Variants in CEP63 observed in about 807,000 individuals in gnomAD.
CEP63 encodes centrosomal protein 63, also known as centrosomal protein of 63 kDa.
A neutral mutation model predicts 89.1 loss-of-function variants in CEP63; 84 were observed. That is an observed-to-expected ratio of 0.94 (90% CI 0.79 to 1.13). The LOEUF (loss-of-function observed/expected upper bound fraction) is 1.13. Among genes scored for constraint, CEP63 ranks in the 50% most tolerant of loss-of-function variants. The pLI is 0.00. For synonymous variants in CEP63, 267 were observed against 272.5 expected (o/e 0.98, Z 0.20); for missense variants, 838 against 813.3 (o/e 1.03, Z -0.37).
chr3:134,747,065 T>G, the CEP63 span, among the ~76,000 whole-genome samples: 1 of 150,526 alleles, frequency 6.6e-6, no homozygotes, highest in Non-Finnish European at 1.5e-5. Context: ...GGTCTAACAT[T>G]TAAGTCTTTA....
chr3:134,661,743 C>T, the CEP63 span, among the ~76,000 whole-genome samples: 1 of 151,098 alleles, frequency 6.6e-6, no homozygotes, highest in African/African-American at 2.4e-5. Flanking sequence ...AGGCAGGAGG[C>T]AGGAAGGAAG....
chr3:134,532,089 C>G, intron 4 of CEP63, 149 bp downstream of exon 4: 2 of 613,486 alleles, frequency 3.3e-6, no homozygotes, highest in Non-Finnish European at 2.9e-6. Context: ...TTTCTCTGTT[C>G]TTTAATCCAG....
the CEP63 span, among the ~76,000 whole-genome samples, chr3:134,609,767 C>A: frequency 6.6e-6 from 1 of 152,150 alleles, no homozygotes; most frequent in Non-Finnish European, 1.5e-5. Context: ...CTCACTCAGA[C>A]CTGAGAGGAG....
the CEP63 span, among the ~76,000 whole-genome samples, chr3:134,593,755 A>C: frequency 1.3e-5 from 2 of 152,234 alleles, no homozygotes; most frequent in African/African-American, 4.8e-5. Flanking sequence ...GAGGAAGCCC[A>C]TTCACTTCTT....
the CEP63 span, among the ~76,000 whole-genome samples, chr3:134,726,550 T>A: frequency 6.6e-6 from 1 of 151,922 alleles, no homozygotes; most frequent in African/African-American, 2.4e-5. Flanking sequence ...GCTACCTTCC[T>A]CCTTCTCTCT....
Position 134,559,250 on chromosome 3 carries a change from A to T in CEP63, c.1774A>T (p.Met592Leu), listed in dbSNP as rs752223738. 3.7e-6 allele frequency: 6 copies of T among 1,614,118 alleles called. No homozygotes were observed. The highest frequency in any genetic ancestry group is 4.2e-6 in the Non-Finnish European group (5 of 1,179,986). ...ACAAGCGTCGGATAGTATAAACCCCATGTCTAGGGTGCTAAGCCCCCTGAG... is the reference window on the plus strand; with the variant it reads ...ACAAGCGTCGGATAGTATAAACCCCTTGTCTAGGGTGCTAAGCCCCCTGAG... ...RGQASDSINP[M>L]SRVLSPLSPQ... The change falls in exon 14 of 15, where the codon ATG (methionine) becomes TTG (leucine). Residue 592 changes from methionine (M) to leucine (L), a missense_variant. Physicochemically the swap from Met to Leu is conservative, Grantham distance 15. Transcript: ENST00000675561.
rs376691512 is a variant in CEP63, at chr3:134,547,408, C to A, written c.1003C>A (p.Gln335Lys). 1.2e-6 allele frequency: 2 copies of A among 1,613,540 alleles called. No individual in the cohort carries two copies. The highest frequency in any genetic ancestry group is 1.7e-6 in the Non-Finnish European group (2 of 1,179,676). ...GGGGGACTTAGACAGTGTGCTCTCC[C>A]AGTTGAATTTTACCCATACTAGTGA... ...GQGDLDSVLSQLNFTHTSEDL... is the reference protein window; with the variant it reads ...GQGDLDSVLSKLNFTHTSEDL... Residue 335 changes from glutamine (Q) to lysine (K), a missense_variant, in exon 9 of 15, where the codon CAG (glutamine) becomes AAG (lysine). Transcript: ENST00000675561.
At chr3:134,528,518 G>A (rs1949133992) in intron 3 of CEP63, among the ~76,000 whole-genome samples, 1 of 151,554 alleles carries the variant, frequency 6.6e-6, no homozygotes, top group Non-Finnish European at 1.5e-5. Flanking sequence ...TGTGATAGAG[G>A]GCCAAAAGGC....
chr3:134,506,379 C>T (rs541056526), intron 2 of CEP63, among the ~76,000 whole-genome samples: 2 of 152,304 alleles, frequency 1.3e-5, no homozygotes, highest in South Asian at 4.1e-4. Flanking sequence ...GCATGATAGT[C>T]TGCTTTCTTC....
At chr3:134,516,420 T>G (rs1456075507) in intron 3 of CEP63, among the ~76,000 whole-genome samples, 1 of 152,164 alleles carries the variant, frequency 6.6e-6, no homozygotes, top group African/African-American at 2.4e-5. Context: ...GCCTTCCTCT[T>G]GTCTCAACTG....
At chr3:134,583,030 G>GT (rs1958398492) in intron 10 of CEP63, among the ~76,000 whole-genome samples, 3 of 152,070 alleles carry the variant, frequency 2.0e-5, no homozygotes, top group Admixed American at 6.6e-5. Context: ...GGGGTTGTTT[G>GT]TTTTTTTCTT....
At chr3:134,555,969 G>T (rs370890634) in intron 12 of CEP63, among the ~76,000 whole-genome samples, 1 of 150,246 alleles carries the variant, frequency 6.7e-6, no homozygotes, top group Non-Finnish European at 1.5e-5. Flanking sequence ...AAATAATGCC[G>T]CATATCTACA....
intron 3 of CEP63, among the ~76,000 whole-genome samples, chr3:134,525,163 G>A (rs1432014000): frequency 1.3e-5 from 2 of 151,964 alleles, no homozygotes; most frequent in Non-Finnish European, 2.9e-5. Flanking sequence ...TCTAGTTTAT[G>A]TACATAGAGG....
At chr3:134,503,427 C>T (rs550725759) in intron 2 of CEP63, among the ~76,000 whole-genome samples, 23 of 151,972 alleles carry the variant, frequency 1.5e-4, no homozygotes, top group Non-Finnish European at 2.9e-4. Flanking sequence ...GTTTTGTGGC[C>T]TAACATATGG....
chr3:134,626,456 C>T, the CEP63 span, among the ~76,000 whole-genome samples: 11 of 152,182 alleles, frequency 7.2e-5, no homozygotes, highest in Admixed American at 2.6e-4. Flanking sequence ...GTGATGTTAG[C>T]GTCACACTGC....
At chr3:134,719,098 C>T in the CEP63 span, among the ~76,000 whole-genome samples, 10 of 152,156 alleles carry the variant, frequency 6.6e-5, no homozygotes, top group Non-Finnish European at 1.3e-4. Context: ...TACCATAGGG[C>T]CTTGCTCTTC....
the CEP63 span, among the ~76,000 whole-genome samples, chr3:134,687,928 G>C: frequency 6.6e-6 from 1 of 152,212 alleles, no homozygotes; most frequent in East Asian, 1.9e-4. Flanking sequence ...TGTTGAAAAG[G>C]CTGTGGAGCA....
At chr3:134,768,994 A>G in the CEP63 span, among the ~76,000 whole-genome samples, 1 of 152,188 alleles carries the variant, frequency 6.6e-6, no homozygotes, top group South Asian at 2.1e-4. Flanking sequence ...GCTGACATCT[A>G]GCAAGGAAAC....
chr3:134,779,184 A>G, the CEP63 span, among the ~76,000 whole-genome samples: 5 of 152,236 alleles, frequency 3.3e-5, no homozygotes, highest in African/African-American at 9.6e-5. Context: ...AATAATAAAT[A>G]TAGTGTACAT....
Sources: gnomAD v4.1 joint callset for allele counts (sites outside exome capture counted in the v4.1 genomes callset) on GRCh38, gnomAD v4.1.1 for gene constraint, MANE v1.5 for transcripts, NCBI Gene and HGNC (gene_info 2026-07-23, HGNC 2026-07-21) for gene names.